The following FOXP1 variants were observed in gnomAD, a reference collection of about 807,000 sequenced individuals.
FOXP1 encodes the protein forkhead box protein P1.
Under a neutral mutation model 98.2 loss-of-function variants are expected in FOXP1, and 15 were observed. The observed-to-expected ratio is 0.15, with a 90% CI of 0.10 to 0.24. The LOEUF is 0.24. FOXP1 is among the 10% of genes least tolerant of loss of function. The pLI is 1.00. For missense variants in FOXP1, 633 were observed against 848.5 expected (o/e 0.75, Z 3.15); for synonymous variants, 371 against 314.5 (o/e 1.18, Z -1.90).
At chr3:71,000,768 TGGGG>T (rs2042016804) in intron 13 of FOXP1, among the ~76,000 whole-genome samples, 200 bp downstream of exon 13, 2 of 145,418 alleles carry the variant, frequency 1.4e-5, no homozygotes, top group Non-Finnish European at 3.0e-5. Flanking sequence ...AAGAGTGAAC[TGGGG>T]CTGAACCTGC....
Position 71,198,434 on chromosome 3 carries a change from G to GAAA in FOXP1, c.-11-45_-11-43dup. On this transcript the variant is annotated intron_variant, in intron 5 of 20. Transcript: ENST00000649528. ...CAAGATGGGGGGAGGGAGGGGGGGA[G>GAAA]AAAAAAAAAGCAGCTGTTAAAGCAG... 3.0e-5 allele frequency: 18 copies of GAAA among 604,968 alleles called. No individual in the cohort carries two copies. In the Admixed American group the frequency reaches 4.1e-4, roughly 14 times the overall value. The allele number at this position is 604,968 out of a possible 1,614,324, so 37.5% of individuals were successfully genotyped here. A position where few individuals can be genotyped will look rare whatever the true frequency, so the allele number is the denominator to read the frequency against.
At chr3:71,045,777 G>C (rs1192878948) in intron 10 of FOXP1, among the ~76,000 whole-genome samples, 1 of 152,172 alleles carries the variant, frequency 6.6e-6, no homozygotes, top group Non-Finnish European at 1.5e-5. Context: ...TTCAAATGCA[G>C]ACATGCTTCC....
At chr3:71,528,146 T>C (rs1340504930) in intron 2 of FOXP1, among the ~76,000 whole-genome samples, 1 of 152,218 alleles carries the variant, frequency 6.6e-6, no homozygotes, top group Non-Finnish European at 1.5e-5. Context: ...TTCTTCTTGG[T>C]TCTCTTTATG....
At chr3:71,225,065 A>G (rs2065728275) in intron 5 of FOXP1, among the ~76,000 whole-genome samples, 1 of 152,266 alleles carries the variant, frequency 6.6e-6, no homozygotes, top group Admixed American at 6.5e-5. Flanking sequence ...ATATTCACAA[A>G]GCCAGACTGA....
chr3:71,174,607 GA>G (rs138264658), intron 6 of FOXP1, among the ~76,000 whole-genome samples: 1 of 152,184 alleles, frequency 6.6e-6, no homozygotes, highest in African/African-American at 2.4e-5. Context: ...GACTGTTTCT[GA>G]ATACATCAGG....
intron 6 of FOXP1, among the ~76,000 whole-genome samples, chr3:71,169,074 T>A (rs1411115311): frequency 6.6e-6 from 1 of 152,176 alleles, no homozygotes; most frequent in Non-Finnish European, 1.5e-5. Flanking sequence ...GGTGCCAGCA[T>A]CCTGGAAGTT....
chr3:71,153,995 C>T (rs2060701014), intron 6 of FOXP1, among the ~76,000 whole-genome samples: 1 of 152,262 alleles, frequency 6.6e-6, no homozygotes, highest in Non-Finnish European at 1.5e-5. Context: ...AAACACAAAG[C>T]AAACATTTAT....
chr3:71,436,561 CT>C (rs1374987245), intron 3 of FOXP1, among the ~76,000 whole-genome samples: 1 of 152,078 alleles, frequency 6.6e-6, no homozygotes, highest in Non-Finnish European at 1.5e-5. Flanking sequence ...AATATGGTCC[CT>C]ATTACAATTC....
At chr3:71,441,449 T>C (rs550144746) in intron 3 of FOXP1, among the ~76,000 whole-genome samples, 3 of 152,342 alleles carry the variant, frequency 2.0e-5, no homozygotes, top group East Asian at 3.9e-4. Flanking sequence ...GGCCTAGCAG[T>C]TCAGGCATCT....
chr3:71,155,861 A>G (rs1450885627), intron 6 of FOXP1, among the ~76,000 whole-genome samples: 2 of 152,236 alleles, frequency 1.3e-5, no homozygotes, highest in African/African-American at 4.8e-5. Context: ...TGTGAAACAG[A>G]ACTGAAACAG....
intron 6 of FOXP1, among the ~76,000 whole-genome samples, chr3:71,151,677 T>TTG (rs200566661): frequency 6.7e-6 from 1 of 150,142 alleles, no homozygotes; most frequent in African/African-American, 2.5e-5. Context: ...TTTTTTTTTT[T>TTG]GCACAAAGTT....
At chr3:71,385,387 G>A (rs831084) in intron 3 of FOXP1, among the ~76,000 whole-genome samples, 27,812 of 152,090 alleles carry the variant, frequency 0.18, 4,197 homozygotes, top group East Asian at 0.77. Flanking sequence ...AAAATTCTGC[G>A]TGTTGGCCTG....
chr3:71,451,635 A>G (rs999232876), intron 3 of FOXP1, among the ~76,000 whole-genome samples: 15 of 152,218 alleles, frequency 9.9e-5, no homozygotes, highest in Admixed American at 2.0e-4. Flanking sequence ...TACAGTAATT[A>G]AAGTACCAGT....
intron 2 of FOXP1, among the ~76,000 whole-genome samples, chr3:71,530,558 T>C (rs541291497): frequency 6.6e-6 from 1 of 152,322 alleles, no homozygotes; most frequent in African/African-American, 2.4e-5. Context: ...ATGGAGAGTA[T>C]AGCAGGAGGA....
chr3:71,540,469 C>T (rs1282425377), intron 2 of FOXP1, among the ~76,000 whole-genome samples: 2 of 152,216 alleles, frequency 1.3e-5, no homozygotes, highest in African/African-American at 4.8e-5. Flanking sequence ...TGGCATTTAT[C>T]ACTACTTTCC....
intron 3 of FOXP1, among the ~76,000 whole-genome samples, chr3:71,472,341 G>A (rs879693091): frequency 4.1e-4 from 62 of 152,008 alleles, no homozygotes; most frequent in Admixed American, 3.8e-3. Context: ...ATAAACACTC[G>A]ACACAAACCA....
chr3:71,455,186 T>A (rs959375452), intron 3 of FOXP1, among the ~76,000 whole-genome samples: 1 of 152,066 alleles, frequency 6.6e-6, no homozygotes, highest in Admixed American at 6.5e-5. Context: ...AAACTCTTCA[T>A]AGAAAATGAC....
At chr3:71,168,066 G>A (rs982467741) in intron 6 of FOXP1, among the ~76,000 whole-genome samples, 9 of 152,068 alleles carry the variant, frequency 5.9e-5, no homozygotes, top group Non-Finnish European at 1.0e-4. Flanking sequence ...TATTGATAGA[G>A]GTTTGTTACA....
At chr3:71,298,637 G>T (rs2073572604) in intron 5 of FOXP1, among the ~76,000 whole-genome samples, 1 of 152,104 alleles carries the variant, frequency 6.6e-6, no homozygotes, top group African/African-American at 2.4e-5. Context: ...GGTAGATCCT[G>T]CAAAGGTTTC....
Sources: gnomAD v4.1 joint callset for allele counts (sites outside exome capture counted in the v4.1 genomes callset) on GRCh38, gnomAD v4.1.1 for gene constraint, MANE v1.5 for transcripts, NCBI Gene and HGNC (gene_info 2026-07-23, HGNC 2026-07-21) for gene names.